NCOA1: variants seen among roughly 807,000 people sequenced by gnomAD.
NCOA1 encodes Hin-2 protein.
NCOA1 carries 35 observed loss-of-function variants against 150.9 expected under a neutral mutation model. That is an observed-to-expected ratio of 0.23 (90% CI 0.18 to 0.31). The LOEUF (loss-of-function observed/expected upper bound fraction) is 0.31. Among genes scored for constraint, NCOA1 ranks in the 10% least tolerant of loss-of-function variants. NCOA1 has a pLI of 1.00. For missense variants in NCOA1, 1,491 were observed against 1,749.3 expected, an observed-to-expected ratio of 0.85 and a Z score of 2.63; for synonymous variants, 590 against 630.0, an observed-to-expected ratio of 0.94 and a Z score of 0.95.
At chr2:24,536,411 C>T (rs1034576886) in intron 1 of NCOA1, among the ~76,000 whole-genome samples, 3 of 152,094 alleles carry the variant, frequency 2.0e-5, no homozygotes, top group African/African-American at 4.8e-5. Context: ...TCCTTTAGCT[C>T]GGAGAAGTTT....
chr2:24,525,350 A>C (rs1312070220), intron 1 of NCOA1, among the ~76,000 whole-genome samples: 1 of 152,164 alleles, frequency 6.6e-6, no homozygotes, highest in Non-Finnish European at 1.5e-5. Flanking sequence ...GATGCATATA[A>C]AATGATAATA....
At position 24,647,030 on chromosome 2, in the gene NCOA1, C is replaced by T. The variant is rs185511169; in HGVS notation, c.-18+2908C>T. Among the ~76,000 whole-genome samples the T allele has an allele frequency of 1.3e-4, 20 of 152,150 alleles. No individual in the cohort carries two copies. The East Asian group carries it at 3.1e-3, about 23-fold the overall frequency. On this transcript the variant is annotated intron_variant, in intron 4 of 22. Coordinates refer to ENST00000348332, the MANE Select transcript of NCOA1 (RefSeq NM_003743.5). The stretch of plus-strand genomic sequence containing the variant: ...GTATGATAGAAGGTAAGTCACGATT[C>T]GCTATATGAATAACTTTATTTTCAT...
At chr2:24,732,229 G>A (rs547901312) in intron 17 of NCOA1, among the ~76,000 whole-genome samples, 1 of 152,308 alleles carries the variant, frequency 6.6e-6, no homozygotes, top group South Asian at 2.1e-4. Flanking sequence ...GCAAATAAGT[G>A]AAAGTTGCTG....
At position 24,725,714 on chromosome 2, in the gene NCOA1, CGTGT is replaced by C. The variant is rs57720230; in HGVS notation, c.2600-841_2600-838del. The stretch of plus-strand genomic sequence containing the variant: ...CTACCTAAAGTGGACCTAAAGTGTG[CGTGT>C]GTGTGTGTGTGTGTGTGTGTGTGTG... On this transcript the variant is annotated intron_variant, in intron 14 of 22. Transcript: ENST00000348332. Among the ~76,000 whole-genome samples the C allele has an allele frequency of 7.1e-3, 1,055 of 148,966 alleles. 6 individuals are homozygous for C. The highest frequency in any genetic ancestry group is 0.015 in the South Asian group (70 of 4,718).
chr2:24,499,602 G>A (rs1335792285), intron 1 of NCOA1, among the ~76,000 whole-genome samples: 1 of 151,894 alleles, frequency 6.6e-6, no homozygotes, highest in Admixed American at 6.6e-5. Context: ...ATGATGCAGT[G>A]GACTTGTTTG....
chr2:24,579,464 A>G (rs890451108), intron 2 of NCOA1, among the ~76,000 whole-genome samples: 5 of 152,158 alleles, frequency 3.3e-5, no homozygotes, highest in Admixed American at 2.0e-4. Flanking sequence ...GAGTTAATCT[A>G]CCTTTGCCAT....
intron 1 of NCOA1, among the ~76,000 whole-genome samples, chr2:24,545,948 C>A (rs1363590227): frequency 6.6e-6 from 1 of 152,162 alleles, no homozygotes; most frequent in African/African-American, 2.4e-5. Context: ...TGCCACTACA[C>A]TCATCTAATT....
intron 3 of NCOA1, among the ~76,000 whole-genome samples, chr2:24,636,920 A>C (rs1395530726): frequency 7.9e-5 from 11 of 139,356 alleles, no homozygotes; most frequent in Admixed American, 5.5e-4. Context: ...TTTTTATGTT[A>C]ATTTTTAAAT....
chr2:24,593,459 TGCCTG>T (rs1227334008), intron 3 of NCOA1, among the ~76,000 whole-genome samples: 1 of 152,136 alleles, frequency 6.6e-6, no homozygotes, highest in Non-Finnish European at 1.5e-5. Flanking sequence ...GTCTAAACCC[TGCCTG>T]TGAAAGGAAA....
chr2:24,658,414 T>G (rs1217254738), intron 4 of NCOA1, among the ~76,000 whole-genome samples: 2 of 152,226 alleles, frequency 1.3e-5, no homozygotes, highest in Admixed American at 1.3e-4. Flanking sequence ...TCATCCTAAT[T>G]GGTTGTAACA....
At chr2:24,503,632 A>G (rs775258320) in intron 1 of NCOA1, among the ~76,000 whole-genome samples, 2 of 152,168 alleles carry the variant, frequency 1.3e-5, no homozygotes, top group Admixed American at 6.5e-5. Flanking sequence ...AATATGTCAC[A>G]TGAGAGTGTA....
rs911382522 is a variant in NCOA1 at position 24,627,834 on chromosome 2, GT to G, written c.-174-16128del. Among the ~76,000 whole-genome samples the G allele has an allele frequency of 3.7e-4, 57 of 152,264 alleles. 1 individual carries two copies. The highest frequency in any genetic ancestry group is 1.3e-3 in the African/African-American group (55 of 41,550). On this transcript the variant is annotated intron_variant, in intron 3 of 22. Coordinates refer to ENST00000348332, the MANE Select transcript of NCOA1 (RefSeq NM_003743.5). ...GAGTGTGGATTTTCTCTGACATCTT[GT>G]TTTCTCTTGCCTTGTGGCAAATACA...
chr2:24,741,786 A>G lies in NCOA1; in HGVS notation c.3306A>G (p.Pro1102=). Reference sequence around the variant, plus strand: ...GTGAGTTTTTTCCTGCTTTTCAGCCACCCCTGAATGCTCAAATGTTGGCAC... The same window carrying G: ...GTGAGTTTTTTCCTGCTTTTCAGCCGCCCCTGAATGCTCAAATGTTGGCAC... ...SGMQQQITPQ[P]PLNAQMLAQR... Residue 1102 remains proline, a splice_region_variant and synonymous_variant, in exon 19 of 23, where the codon CCA becomes CCG. Coordinates refer to ENST00000348332, the MANE Select transcript of NCOA1 (RefSeq NM_003743.5). 6.3e-7 allele frequency: 1 copy of G among 1,599,920 alleles called. No homozygotes were observed. The highest frequency in any genetic ancestry group is 8.5e-7 in the Non-Finnish European group (1 of 1,174,112).
intron 18 of NCOA1, among the ~76,000 whole-genome samples, chr2:24,739,815 CACCAGTA>C (rs754394016): frequency 6.6e-6 from 1 of 152,098 alleles, no homozygotes; most frequent in Non-Finnish European, 1.5e-5. Flanking sequence ...TAGCGAATAG[CACCAGTA>C]ACAGGAAGCC....
intron 19 of NCOA1, 80 bp downstream of exon 19, chr2:24,742,266 G>C (rs1411051958): frequency 6.8e-7 from 1 of 1,472,360 alleles, no homozygotes; most frequent in Non-Finnish European, 9.1e-7. Context: ...TCTGTGCTTG[G>C]ACATTAAAAT....
chr2:24,500,344 G>T (rs1253567110), intron 1 of NCOA1, among the ~76,000 whole-genome samples: 1 of 152,170 alleles, frequency 6.6e-6, no homozygotes, highest in Non-Finnish European at 1.5e-5. Flanking sequence ...CCAACCTCGG[G>T]TGATCCGCCC....
chr2:24,640,023 G>A (rs1670134523), intron 3 of NCOA1, among the ~76,000 whole-genome samples: 1 of 142,766 alleles, frequency 7.0e-6, no homozygotes, highest in Non-Finnish European at 1.5e-5. Flanking sequence ...GATGTCTTAT[G>A]TTTACTTTAT....
At chr2:24,546,825 T>G (rs1665623129) in intron 1 of NCOA1, among the ~76,000 whole-genome samples, 1 of 152,236 alleles carries the variant, frequency 6.6e-6, no homozygotes, top group African/African-American at 2.4e-5. Context: ...TGTCTGACAC[T>G]TTTGTATGCC....
At chr2:24,747,234 T>C (rs1328303031) in intron 19 of NCOA1, among the ~76,000 whole-genome samples, 2 of 151,908 alleles carry the variant, frequency 1.3e-5, no homozygotes, top group Admixed American at 1.3e-4. Flanking sequence ...ACTTGGAGTC[T>C]CTTATTTATT....
Sources: gnomAD v4.1 joint callset for allele counts (sites outside exome capture counted in the v4.1 genomes callset) on GRCh38, gnomAD v4.1.1 for gene constraint, MANE v1.5 for transcripts, NCBI Gene and HGNC (gene_info 2026-07-23, HGNC 2026-07-21) for gene names.